Variants in PRPSAP2 observed in about 807,000 individuals in gnomAD.
The protein encoded by PRPSAP2 is phosphoribosyl pyrophosphate synthase-associated protein 2.
Under a neutral mutation model 40.6 loss-of-function variants are expected in PRPSAP2, and 24 were observed. The ratio of observed to expected loss-of-function variants is 0.59; its 90% CI spans 0.43 to 0.83. The LOEUF (loss-of-function observed/expected upper bound fraction) is 0.83. Ranked by LOEUF, PRPSAP2 falls within the 40% of genes least tolerant of loss-of-function variation. The pLI is 0.00. For synonymous variants in PRPSAP2, 149 were observed against 164.7 expected, an observed-to-expected ratio of 0.90 and a Z score of 0.73; for missense variants, 292 against 465.6, an observed-to-expected ratio of 0.63 and a Z score of 3.43.
chr17:18,897,718 C>T (rs1233311023), intron 8 of PRPSAP2, among the ~76,000 whole-genome samples: 1 of 152,200 alleles, frequency 6.6e-6, no homozygotes, highest in Non-Finnish European at 1.5e-5. Context: ...CTGCCTTGGC[C>T]TCCCAAAATG....
Position 18,873,367 on chromosome 17 carries a change from C to T in PRPSAP2, c.239+718C>T, listed in dbSNP as rs532909439. ...GATTATAGGCATGTGTCACCACGCC[C>T]GGTTAATTTTGTGTTTCTAGTAGAG... On this transcript the variant is annotated intron_variant, in intron 5 of 11. Transcript: ENST00000268835. Among the ~76,000 whole-genome samples, 8 of 151,870 alleles carry T rather than the reference C, an allele frequency of 5.3e-5. No individual in the cohort carries two copies. The South Asian group carries it at 1.5e-3, about 28-fold the overall frequency.
At chr17:18,856,855 A>G (rs905995483), upstream of PRPSAP2, among the ~76,000 whole-genome samples, 3 of 152,214 alleles carry the variant, frequency 2.0e-5, no homozygotes, top group African/African-American at 7.2e-5. Flanking sequence ...TCTTGTGAGG[A>G]TTAAATAAGT....
At chr17:18,874,379 T>TATATACATATACACATATAC (rs2038116755) in intron 5 of PRPSAP2, among the ~76,000 whole-genome samples, 1 of 152,196 alleles carries the variant, frequency 6.6e-6, no homozygotes, top group Non-Finnish European at 1.5e-5. Context: ...TTAATTTGTG[T>TATATACATATACACATATAC]ATATACATAT....
At chr17:18,873,483 G>A (rs537376882) in intron 5 of PRPSAP2, among the ~76,000 whole-genome samples, 71 of 152,218 alleles carry the variant, frequency 4.7e-4, no homozygotes, top group African/African-American at 1.6e-3. Context: ...TGGGATTACA[G>A]GCGTGAGCCA....
At chr17:18,872,707 A>C in intron 5 of PRPSAP2, 58 bp downstream of exon 5, 1 of 1,349,134 alleles carries the variant, frequency 7.4e-7, no homozygotes, top group South Asian at 1.2e-5. Flanking sequence ...GAGTGTTTAA[A>C]ATAATGATAG....
intron 4 of PRPSAP2, among the ~76,000 whole-genome samples, chr17:18,871,290 T>G (rs7214754): frequency 0.53 from 80,101 of 152,028 alleles, 21,369 homozygotes; most frequent in Middle Eastern, 0.59. Context: ...AAAGTTCTGG[T>G]ATTACATGTG....
intron 6 of PRPSAP2, among the ~76,000 whole-genome samples, chr17:18,880,564 T>C (rs1012358572): frequency 2.6e-5 from 4 of 152,024 alleles, no homozygotes; most frequent in Admixed American, 1.3e-4. Context: ...TGCATCACCA[T>C]ACCTGACTAG....
At position 18,866,545 on chromosome 17, in the gene PRPSAP2, C is replaced by T. The variant is rs561779047; in HGVS notation, c.119+593C>T. The stretch of plus-strand genomic sequence containing the variant: ...CTGCACTCCAGCCTGGGCAACAGAA[C>T]GAGACTCTGTCTCAAAAAAAGAACA... On this transcript the variant is annotated intron_variant, in intron 3 of 11. Coordinates refer to ENST00000268835, the MANE Select transcript of PRPSAP2 (RefSeq NM_002767.4). 1.7e-3 allele frequency among the ~76,000 whole-genome samples: 252 copies of T among 152,082 alleles called. 2 individuals carry two copies. The highest frequency in any genetic ancestry group is 5.7e-3 in the African/African-American group (236 of 41,488).
intron 9 of PRPSAP2, among the ~76,000 whole-genome samples, chr17:18,920,134 T>C (rs1299152183): frequency 6.6e-6 from 1 of 152,116 alleles, no homozygotes; most frequent in Non-Finnish European, 1.5e-5. Flanking sequence ...GCTGGGACCA[T>C]TGGTGAGATG....
intron 3 of PRPSAP2, among the ~76,000 whole-genome samples, chr17:18,866,302 C>T (rs910515759): frequency 2.6e-5 from 4 of 152,164 alleles, no homozygotes; most frequent in African/African-American, 7.2e-5. Context: ...CGGTGGCTCA[C>T]GCCTGTAATC....
Position 18,865,931 on chromosome 17 carries a change from A to C in PRPSAP2, c.98A>C (p.Glu33Ala), listed in dbSNP as rs199793178. 5 of 1,474,362 alleles carry C rather than the reference A, an allele frequency of 3.4e-6. No homozygotes were observed. The highest frequency in any genetic ancestry group is 9.1e-7 in the Non-Finnish European group (1 of 1,097,514). 91.3% of individuals were successfully genotyped at this position (1,474,362 alleles called of 1,614,324 possible). The change falls in exon 3 of 12, where the codon GAG becomes GCG. Residue 33 changes from glutamate to alanine, a missense_variant. Glu to Ala is a moderately radical substitution (Grantham distance 107, BLOSUM62 -1). Coordinates refer to ENST00000268835, the MANE Select transcript of PRPSAP2 (RefSeq NM_002767.4). ...GCAAACTCGAATTCATCATGTATGG[A>C]GCTATCAAAGAAAATTGCAGAGTGA... ...FSANSNSSCM[E>A]LSKKIAERLG...
intron 8 of PRPSAP2, among the ~76,000 whole-genome samples, chr17:18,898,725 CTTTGGGTTTATCCTG>C (rs1453511156): frequency 6.6e-6 from 1 of 152,092 alleles, no homozygotes; most frequent in Non-Finnish European, 1.5e-5. Flanking sequence ...CTTGAGATTG[CTTTGGGTTTATCCTG>C]TTTGGTGTTT....
intron 8 of PRPSAP2, among the ~76,000 whole-genome samples, chr17:18,892,607 T>TA: frequency 6.6e-6 from 1 of 150,696 alleles, no homozygotes; most frequent in African/African-American, 2.4e-5. Flanking sequence ...TTTTTTTTTT[T>TA]AATGAGACAG....
At chr17:18,894,477 G>A (rs2039784814) in intron 8 of PRPSAP2, among the ~76,000 whole-genome samples, 1 of 120,032 alleles carries the variant, frequency 8.3e-6, no homozygotes, top group Non-Finnish European at 1.8e-5. Context: ...CTTTTCAATA[G>A]TCTTTTTTTT....
At chr17:18,885,968 C>G (rs1339448682) in intron 7 of PRPSAP2, among the ~76,000 whole-genome samples, 2 of 152,092 alleles carry the variant, frequency 1.3e-5, no homozygotes, top group East Asian at 3.9e-4. Flanking sequence ...AGTGATCTGC[C>G]TGCCTCAGCT....
In PRPSAP2 at chr17:18,930,969, G is replaced by A; in HGVS notation, c.*271G>A. On this transcript the variant is annotated 3_prime_UTR_variant, in exon 12 of 12. Transcript: ENST00000268835. The stretch of plus-strand genomic sequence containing the variant: ...TGTAACTGTTTAAAAAATAACACTT[G>A]GAATAAGATTTGTAAGCTCACAAAG... 1 of 235,508 alleles carries A rather than the reference G, an allele frequency of 4.2e-6. No individual in the cohort carries two copies. The highest frequency in any genetic ancestry group is 5.3e-5 in the Admixed American group (1 of 18,866). 14.6% of individuals were successfully genotyped at this position (235,508 alleles called of 1,614,324 possible).
rs2040966109 is a variant in PRPSAP2, at chr17:18,911,653, G to T, written c.733+402G>T. On this transcript the variant is annotated intron_variant, in intron 9 of 11. Transcript: ENST00000268835. This position sits in a 1 kb window ranked among gnomAD's most constrained non-coding sequence, Gnocchi z 4.5. ...ATGGTTTACCAGAGTGTAGGGCTTG[G>T]TAAATTATACTGTGTCAGTACAGCT... is the stretch of plus-strand genomic sequence containing the variant. Among the ~76,000 whole-genome samples the T allele has an allele frequency of 6.6e-6, 1 of 152,090 alleles. No homozygotes were observed.
At chr17:18,909,453 C>A (rs369611431) in intron 8 of PRPSAP2, among the ~76,000 whole-genome samples, 10 of 151,880 alleles carry the variant, frequency 6.6e-5, no homozygotes, top group African/African-American at 2.2e-4. Context: ...ACCGTGTTAG[C>A]CAGGATGGTC....
chr17:18,870,302 G>C (rs2037767560), intron 4 of PRPSAP2, among the ~76,000 whole-genome samples: 1 of 151,646 alleles, frequency 6.6e-6, no homozygotes, highest in South Asian at 2.1e-4. Flanking sequence ...GGGATGCTGA[G>C]CTGGGTGAAT....
Sources: gnomAD v4.1 joint callset for allele counts (sites outside exome capture counted in the v4.1 genomes callset) on GRCh38, gnomAD v4.1.1 for gene constraint, Gnocchi (gnomAD v3.1) non-coding constraint, MANE v1.5 for transcripts, NCBI Gene and HGNC (gene_info 2026-07-23, HGNC 2026-07-21) for gene names.